GPC5: variants seen among roughly 807,000 people sequenced by gnomAD.
GPC5 encodes the protein glypican-5.
In GPC5, 47 loss-of-function variants were observed where a neutral mutation model predicts 53.9. The observed-to-expected ratio is 0.87, with a 90% CI of 0.69 to 1.11. The LOEUF (loss-of-function observed/expected upper bound fraction) is 1.11. GPC5 is among the 50% of genes most tolerant of loss of function. The probability of loss-of-function intolerance (pLI) is 0.00; values close to 1 mark genes in which losing one functional copy is unlikely to be tolerated. For missense variants in GPC5, 748 were observed against 713.1 expected, an observed-to-expected ratio of 1.05 and a Z score of -0.56; for synonymous variants, 286 against 263.3, an observed-to-expected ratio of 1.09 and a Z score of -0.84.
In GPC5 at chr13:91,756,339, G is replaced by A; in HGVS notation, c.1199G>A (p.Gly400Asp). 2 of 1,593,734 alleles carry A rather than the reference G, an allele frequency of 1.3e-6. No individual in the cohort carries two copies. The highest frequency in any genetic ancestry group is 1.7e-6 in the Non-Finnish European group (2 of 1,165,098). Residue 400 changes from glycine to aspartate, a missense_variant, in exon 5 of 8, where the codon GGT becomes GAT. Physicochemically the swap from Gly to Asp is moderately conservative, Grantham distance 94. Transcript: ENST00000377067. ...SLRLYRSFYG[G>D]LADQLCANEL... ...CGACTGTACAGGTCATTCTATGGAG[G>A]TCTAGCTGATCAGCTTTGTGCTAAT...
chr13:92,759,950 T>C (rs1371987769), intron 7 of GPC5, among the ~76,000 whole-genome samples: 1 of 152,086 alleles, frequency 6.6e-6, no homozygotes, highest in African/African-American at 2.4e-5. Flanking sequence ...GTAAATGCTT[T>C]TTCTGCATCA....
intron 7 of GPC5, among the ~76,000 whole-genome samples, chr13:92,530,802 C>T (rs1881538084): frequency 6.6e-6 from 1 of 152,152 alleles, no homozygotes; most frequent in Non-Finnish European, 1.5e-5. Flanking sequence ...TATGTCTCTC[C>T]TACTGCTACC....
intron 7 of GPC5, among the ~76,000 whole-genome samples, chr13:92,271,511 A>G (rs541455387): frequency 6.6e-6 from 1 of 152,342 alleles, no homozygotes; most frequent in South Asian, 2.1e-4. Context: ...TTTTTGAGAA[A>G]GAGATTGGTG....
intron 7 of GPC5, among the ~76,000 whole-genome samples, chr13:92,490,587 T>C (rs1035591591): frequency 1.3e-5 from 2 of 152,046 alleles, no homozygotes; most frequent in African/African-American, 4.8e-5. Flanking sequence ...AATAAACATA[T>C]AAATGGTGTT....
intron 7 of GPC5, among the ~76,000 whole-genome samples, chr13:92,570,285 AG>A (rs1882985943): frequency 6.6e-6 from 1 of 152,164 alleles, no homozygotes; most frequent in South Asian, 2.1e-4. Context: ...TGAAGATATT[AG>A]TTTCCAAACT....
chr13:92,011,779 C>T (rs1266644810), intron 6 of GPC5, among the ~76,000 whole-genome samples: 3 of 152,132 alleles, frequency 2.0e-5, no homozygotes, highest in Admixed American at 6.5e-5. Context: ...TAATAAAATG[C>T]TTATCAGTAT....
chr13:92,061,032 G>A (rs919897348), intron 6 of GPC5, among the ~76,000 whole-genome samples: 1 of 151,940 alleles, frequency 6.6e-6, no homozygotes, highest in Non-Finnish European at 1.5e-5. Context: ...TTCCTCCCCA[G>A]GAATTACTTT....
rs1422853063 is a variant in GPC5, at chr13:91,742,974, T to C, written c.1155-13321T>C. Among the ~76,000 whole-genome samples the C allele has an allele frequency of 2.6e-5, 4 of 152,290 alleles. No individual in the cohort carries two copies. In the East Asian group the frequency reaches 7.7e-4, roughly 29 times the overall value. On this transcript the variant is annotated intron_variant, in intron 4 of 7. Coordinates refer to ENST00000377067, the MANE Select transcript of GPC5 (RefSeq NM_004466.6). Reference sequence around the variant, plus strand: ...AAACTGGTCATCCAAAAACCTTCTGTTTCTATGTAGGCGCTTTGCCGAAGA... The same window carrying C: ...AAACTGGTCATCCAAAAACCTTCTGCTTCTATGTAGGCGCTTTGCCGAAGA...
intron 1 of GPC5, among the ~76,000 whole-genome samples, chr13:91,437,348 G>A (rs1043900498): frequency 6.6e-6 from 1 of 152,120 alleles, no homozygotes; most frequent in Non-Finnish European, 1.5e-5. Flanking sequence ...TCCATGTTTA[G>A]TGCTTCCTTC....
intron 7 of GPC5, among the ~76,000 whole-genome samples, chr13:92,605,110 A>G (rs9516094): frequency 0.98 from 149,643 of 152,316 alleles, 73,574 homozygotes; most frequent in East Asian, 1. Flanking sequence ...ACCCATCATG[A>G]TATATAAGTC....
At chr13:92,151,254 A>G (rs1002452448) in intron 7 of GPC5, among the ~76,000 whole-genome samples, 11 of 152,084 alleles carry the variant, frequency 7.2e-5, no homozygotes, top group Non-Finnish European at 1.5e-4. Context: ...AAACTTTCTC[A>G]TACATATAAA....
At chr13:92,312,694 T>C (rs2043152912) in intron 7 of GPC5, among the ~76,000 whole-genome samples, 1 of 152,172 alleles carries the variant, frequency 6.6e-6, no homozygotes, top group African/African-American at 2.4e-5. Flanking sequence ...ATGGACATAG[T>C]GATCTTCATG....
Position 92,579,306 on chromosome 13 carries a change from C to T in GPC5, c.1562-286976C>T, listed in dbSNP as rs186718631. Among the ~76,000 whole-genome samples, 36 of 51,168 alleles carry T rather than the reference C, an allele frequency of 7.0e-4. 3 individuals are homozygous for T. The highest frequency in any genetic ancestry group is 2.5e-3 in the African/African-American group (27 of 10,774). 33.6% of individuals were successfully genotyped at this position (51,168 alleles called of 152,430 possible). On this transcript the variant is annotated intron_variant, in intron 7 of 7. Coordinates refer to ENST00000377067, the MANE Select transcript of GPC5 (RefSeq NM_004466.6). ...CTCTCTCTCTCTCTCTCTCTCCCTCCCTCCCTCCCTCCCTCCCTCTCTCTC... is the reference window on the plus strand; with the variant it reads ...CTCTCTCTCTCTCTCTCTCTCCCTCTCTCCCTCCCTCCCTCCCTCTCTCTC...
At chr13:91,980,556 G>T (rs1481641414) in intron 6 of GPC5, among the ~76,000 whole-genome samples, 1 of 152,008 alleles carries the variant, frequency 6.6e-6, no homozygotes, top group East Asian at 1.9e-4. Flanking sequence ...GATTCATTTT[G>T]TTTGTTTGCG....
At chr13:92,628,655 T>C (rs1239048641) in intron 7 of GPC5, among the ~76,000 whole-genome samples, 1 of 152,032 alleles carries the variant, frequency 6.6e-6, no homozygotes, top group Non-Finnish European at 1.5e-5. Flanking sequence ...TGGGCATGGA[T>C]TTCATCCCCC....
chr13:91,856,599 C>CT (rs1023113300), intron 5 of GPC5, among the ~76,000 whole-genome samples: 239 of 147,612 alleles, frequency 1.6e-3, no homozygotes, highest in African/African-American at 1.8e-3. Flanking sequence ...ATTCGTATAT[C>CT]TTTTTTTTTT....
intron 7 of GPC5, among the ~76,000 whole-genome samples, chr13:92,641,596 A>G (rs1252655973): frequency 6.6e-6 from 1 of 152,070 alleles, no homozygotes; most frequent in Non-Finnish European, 1.5e-5. Flanking sequence ...CAGTCTGGAG[A>G]GTTTTATTGC....
At chr13:92,542,306 A>G (rs1881957423) in intron 7 of GPC5, among the ~76,000 whole-genome samples, 1 of 151,878 alleles carries the variant, frequency 6.6e-6, no homozygotes, top group Admixed American at 6.6e-5. Context: ...ATTTTATATC[A>G]ATTAACCAAC....
chr13:92,115,248 C>T (rs966165035), intron 6 of GPC5, among the ~76,000 whole-genome samples: 5 of 152,178 alleles, frequency 3.3e-5, no homozygotes, highest in African/African-American at 1.2e-4. Flanking sequence ...GTGGCTCACC[C>T]TTGTAATCCC....
Sources: allele counts gnomAD v4.1 joint callset (sites outside exome capture counted in the v4.1 genomes callset), GRCh38; gene constraint gnomAD v4.1.1; transcripts MANE v1.5; gene names NCBI Gene and HGNC (gene_info 2026-07-23, HGNC 2026-07-21).